PCDHGB5: variants seen among roughly 807,000 people sequenced by gnomAD.
PCDHGB5 encodes the protein protocadherin gamma subfamily B, 5, also known as protocadherin gamma-B5.
Under a neutral mutation model 62.9 loss-of-function variants are expected in PCDHGB5, and 48 were observed. That is an observed-to-expected ratio of 0.76 (90% confidence interval 0.61 to 0.97). The LOEUF (loss-of-function observed/expected upper bound fraction) is 0.97, where lower values mean the gene tolerates loss of function less well. Among genes scored for constraint, PCDHGB5 ranks in the 50% least tolerant of loss-of-function variants. The pLI is 0.00. For missense variants in PCDHGB5, 1,118 were observed against 1,198.6 expected (o/e 0.93, Z 0.99); for synonymous variants, 474 against 511.2 (o/e 0.93, Z 0.98).
intron 1 of PCDHGB5, chr5:141,427,536 G>T (rs758610182): frequency 1.6e-6 from 1 of 626,396 alleles, no homozygotes; most frequent in Non-Finnish European, 3.0e-6. Context: ...GGAGTACAAC[G>T]TCACCATCAC....
intron 1 of PCDHGB5, chr5:141,427,739 C>G: frequency 2.4e-6 from 3 of 1,232,634 alleles, no homozygotes; most frequent in Non-Finnish European, 3.5e-6. Context: ...ATGGCCAAGT[C>G]TCCTACTCCA....
At chr5:141,480,722 C>T (rs1002559431) in intron 1 of PCDHGB5, among the ~76,000 whole-genome samples, 1 of 152,174 alleles carries the variant, frequency 6.6e-6, no homozygotes, top group African/African-American at 2.4e-5. Flanking sequence ...AAAGCACAGT[C>T]TCTGGGGGTG....
intron 1 of PCDHGB5, among the ~76,000 whole-genome samples, chr5:141,488,305 T>C (rs1452293355): frequency 6.6e-6 from 1 of 152,234 alleles, no homozygotes; most frequent in African/African-American, 2.4e-5. Context: ...AAATCACTTA[T>C]GTCAGAAAAC....
intron 1 of PCDHGB5, among the ~76,000 whole-genome samples, chr5:141,447,728 A>G (rs2098549955): frequency 6.6e-6 from 1 of 152,204 alleles, no homozygotes; most frequent in Non-Finnish European, 1.5e-5. Flanking sequence ...TCCAAAACTC[A>G]TTGAACTTAA....
chr5:141,435,686 T>C (rs2097774326), intron 1 of PCDHGB5, among the ~76,000 whole-genome samples: 1 of 152,340 alleles, frequency 6.6e-6, no homozygotes, highest in Non-Finnish European at 1.5e-5. Flanking sequence ...GAGAACTTTA[T>C]GCTTATTGTA....
At chr5:141,414,242 T>C (rs1412230684) in intron 1 of PCDHGB5, 1 of 1,613,538 alleles carries the variant, frequency 6.2e-7, no homozygotes, top group Admixed American at 1.7e-5. Flanking sequence ...ATCACGTCTC[T>C]ATTTAGTCCA....
chr5:141,435,558 T>C (rs1401876733), intron 1 of PCDHGB5, among the ~76,000 whole-genome samples: 1 of 152,136 alleles, frequency 6.6e-6, no homozygotes, highest in Non-Finnish European at 1.5e-5. Flanking sequence ...TTTTGAGTGC[T>C]TTTTTTAGTA....
At chr5:141,473,375 T>C (rs1433212994) in intron 1 of PCDHGB5, among the ~76,000 whole-genome samples, 1 of 152,192 alleles carries the variant, frequency 6.6e-6, no homozygotes, top group African/African-American at 2.4e-5. Flanking sequence ...AATAGCATGG[T>C]CCCTGCCCTC....
At chr5:141,404,859 A>G in intron 1 of PCDHGB5, 1 of 1,613,494 alleles carries the variant, frequency 6.2e-7, no homozygotes, top group South Asian at 1.1e-5. Flanking sequence ...CTAGATAGAG[A>G]TGCGCTCAAA....
chr5:141,444,373 G>A (rs2098434682), intron 1 of PCDHGB5, among the ~76,000 whole-genome samples: 1 of 151,902 alleles, frequency 6.6e-6, no homozygotes, highest in South Asian at 2.1e-4. Context: ...GTTTCTCCAT[G>A]TTGGTCAGGC....
intron 1 of PCDHGB5, chr5:141,422,710 G>T: frequency 6.2e-7 from 1 of 1,603,486 alleles, no homozygotes; most frequent in African/African-American, 1.3e-5. Context: ...TCTGACGGAT[G>T]ACACTGTCCA....
chr5:141,415,301 T>C, intron 1 of PCDHGB5: 1 of 1,614,230 alleles, frequency 6.2e-7, no homozygotes, highest in South Asian at 1.1e-5. Context: ...TGCGTCTTCC[T>C]GGCCTTCGTC....
intron 1 of PCDHGB5, chr5:141,422,899 G>A: frequency 2.5e-6 from 4 of 1,614,234 alleles, no homozygotes; most frequent in Non-Finnish European, 3.4e-6. Flanking sequence ...GGACCAGAAC[G>A]ACAATGCGCC....
At chr5:141,464,407 A>C (rs996561936) in intron 1 of PCDHGB5, among the ~76,000 whole-genome samples, 1 of 151,544 alleles carries the variant, frequency 6.6e-6, no homozygotes, top group Non-Finnish European at 1.5e-5. Flanking sequence ...CCTGAGATAT[A>C]TATATATCTA....
intron 1 of PCDHGB5, chr5:141,420,985 C>T (rs1371634966): frequency 4.1e-6 from 2 of 487,950 alleles, no homozygotes; most frequent in African/African-American, 4.0e-5. Flanking sequence ...GGGCTCTAGG[C>T]GCCGCTGCTC....
chr5:141,463,510 G>A (rs1031854898), intron 1 of PCDHGB5, among the ~76,000 whole-genome samples: 4 of 143,710 alleles, frequency 2.8e-5, no homozygotes, highest in Non-Finnish European at 4.5e-5. Context: ...GTGACGTGGC[G>A]TGATCTCGGC....
intron 1 of PCDHGB5, chr5:141,418,882 C>G: frequency 1.2e-6 from 2 of 1,613,960 alleles, no homozygotes; most frequent in Non-Finnish European, 1.7e-6. Flanking sequence ...TAGACGAAAA[C>G]GACAACAGCC....
intron 1 of PCDHGB5, among the ~76,000 whole-genome samples, chr5:141,481,730 G>C (rs778885944): frequency 6.6e-5 from 10 of 151,952 alleles, no homozygotes; most frequent in Non-Finnish European, 1.3e-4. Flanking sequence ...GAGGCGGGCG[G>C]ATCACGAGGT....
In PCDHGB5 at chr5:141,489,255, A is replaced by G. The variant is rs909780010; in HGVS notation, c.2398-5552A>G. 2 of 1,548,804 alleles carry G rather than the reference A, an allele frequency of 1.3e-6. No individual in the cohort carries two copies. Among genetic ancestry groups the G allele is most frequent in the Non-Finnish European group, 1.7e-6 (2 of 1,147,848 alleles). On this transcript the variant is annotated intron_variant, in intron 1 of 3. Coordinates refer to ENST00000617380, the MANE Select transcript of PCDHGB5 (RefSeq NM_018925.3). The surrounding 1 kb of genome is among the most constrained non-coding windows in gnomAD (Gnocchi z 4.5). ...ACTTCTGGGTCATGGGGCCCAAGAC[A>G]CTCCCACAGCTCGCTGGGAAATGGC...
Sources: gnomAD v4.1 joint callset for allele counts (sites outside exome capture counted in the v4.1 genomes callset) on GRCh38, gnomAD v4.1.1 for gene constraint, Gnocchi (gnomAD v3.1) non-coding constraint, MANE v1.5 for transcripts, NCBI Gene and HGNC (gene_info 2026-07-23, HGNC 2026-07-21) for gene names.